EYS: variants seen among roughly 807,000 people sequenced by gnomAD.
The protein encoded by EYS is EGF-like photoreceptor maintenance factor, also known as protein eyes shut homolog.
EYS carries 250 observed loss-of-function variants against 282.1 expected under a neutral mutation model. The ratio of observed to expected loss-of-function variants is 0.89; its 90% CI spans 0.80 to 0.98. The LOEUF (loss-of-function observed/expected upper bound fraction) is 0.98, where lower values mean the gene tolerates loss of function less well. Among genes scored for constraint, EYS ranks in the 50% least tolerant of loss-of-function variants. The pLI is 0.00. For synonymous variants in EYS, 1,355 were observed against 1,282.9 expected (o/e 1.06, Z -1.20); for missense variants, 4,016 against 3,709.0 (o/e 1.08, Z -2.15).
chr6:64,170,030 A>G (rs968697630), intron 31 of EYS, among the ~76,000 whole-genome samples: 1 of 152,154 alleles, frequency 6.6e-6, no homozygotes, highest in African/African-American at 2.4e-5. Context: ...TTGTCTTTGA[A>G]GTATGGCCAG....
intron 28 of EYS, among the ~76,000 whole-genome samples, chr6:64,391,511 TATCCAG>T (rs1773139972): frequency 6.6e-6 from 1 of 151,882 alleles, no homozygotes; most frequent in Non-Finnish European, 1.5e-5. Context: ...CAGAATTTCA[TATCCAG>T]CCAAACTAAG....
At chr6:65,538,816 T>C (rs545163959) in intron 2 of EYS, among the ~76,000 whole-genome samples, 14 of 152,308 alleles carry the variant, frequency 9.2e-5, no homozygotes, top group African/African-American at 3.4e-4. Context: ...TCTGGCATCC[T>C]GCTAAGTCTC....
intron 28 of EYS, among the ~76,000 whole-genome samples, chr6:64,407,929 C>T (rs556065169): frequency 6.6e-6 from 1 of 152,174 alleles, no homozygotes; most frequent in South Asian, 2.1e-4. Flanking sequence ...GATGGGCTTT[C>T]ACTATGTTGG....
At chr6:63,873,529 C>T (rs1052663930) in intron 35 of EYS, among the ~76,000 whole-genome samples, 6 of 152,222 alleles carry the variant, frequency 3.9e-5, no homozygotes, top group African/African-American at 1.4e-4. Flanking sequence ...GTAATGGGAT[C>T]GTTGGGTCAA....
chr6:64,363,722 C>G (rs1244115449), intron 29 of EYS, among the ~76,000 whole-genome samples: 1 of 151,866 alleles, frequency 6.6e-6, no homozygotes, highest in Non-Finnish European at 1.5e-5. Context: ...AAGTGCAACA[C>G]AATTTATGCA....
intron 35 of EYS, among the ~76,000 whole-genome samples, chr6:63,946,905 A>G (rs547967354): frequency 1.3e-5 from 2 of 152,138 alleles, no homozygotes; most frequent in South Asian, 2.1e-4. Context: ...TGATGTGATT[A>G]TTACTGATGG....
At chr6:65,419,852 T>A (rs976157486) in intron 5 of EYS, among the ~76,000 whole-genome samples, 2 of 151,932 alleles carry the variant, frequency 1.3e-5, no homozygotes, top group Non-Finnish European at 2.9e-5. Context: ...CTGAAGCAAG[T>A]CACACAAATG....
intron 33 of EYS, among the ~76,000 whole-genome samples, chr6:64,042,713 T>C (rs1341653773): frequency 6.6e-6 from 1 of 152,156 alleles, no homozygotes; most frequent in African/African-American, 2.4e-5. Context: ...ACTTTGTAAT[T>C]TTGTATATCT....
At chr6:64,644,907 C>T (rs528792140) in intron 22 of EYS, among the ~76,000 whole-genome samples, 1 of 152,278 alleles carries the variant, frequency 6.6e-6, no homozygotes, top group Non-Finnish European at 1.5e-5. Flanking sequence ...TATGAGCCTA[C>T]AGGATGCAGC....
intron 12 of EYS, among the ~76,000 whole-genome samples, chr6:65,292,659 T>C (rs1768559125): frequency 6.6e-6 from 1 of 151,690 alleles, no homozygotes; most frequent in Non-Finnish European, 1.5e-5. Flanking sequence ...AGTACAACAG[T>C]GAAAATAAGG....
chr6:64,364,645 A>C (rs910407840), intron 29 of EYS, among the ~76,000 whole-genome samples: 1 of 151,860 alleles, frequency 6.6e-6, no homozygotes, highest in African/African-American at 2.4e-5. Flanking sequence ...AATTAACCCA[A>C]ATTAAGTGGA....
chr6:65,608,324 T>A (rs764477816), intron 2 of EYS, among the ~76,000 whole-genome samples: 9 of 151,968 alleles, frequency 5.9e-5, no homozygotes, highest in Non-Finnish European at 7.4e-5. Flanking sequence ...AAAAATACAG[T>A]TTAAAAGACT....
In EYS at chr6:64,832,164, A is replaced by G. The variant is rs184124076; in HGVS notation, c.2993-9342T>C. ...TTAACTCTGATTAACATGTTAAAAT[A>G]TTGTCAAAACTTATAAACTTCACAC... On this transcript the variant is annotated intron_variant, in intron 19 of 42. Coordinates refer to ENST00000503581, the MANE Select transcript of EYS (RefSeq NM_001142800.2). Among the ~76,000 whole-genome samples the G allele has an allele frequency of 2.0e-5, 3 of 152,058 alleles. No individual in the cohort carries two copies. In the East Asian group the frequency reaches 5.8e-4, roughly 30 times the overall value.
chr6:65,345,343 G>T (rs1283319040), intron 9 of EYS, among the ~76,000 whole-genome samples: 1 of 151,712 alleles, frequency 6.6e-6, no homozygotes, highest in Non-Finnish European at 1.5e-5. Flanking sequence ...AATTCTACCT[G>T]TAACATTCTG....
chr6:65,228,782 C>G (rs894342485), intron 12 of EYS, among the ~76,000 whole-genome samples: 46 of 152,016 alleles, frequency 3.0e-4, no homozygotes, highest in Non-Finnish European at 4.6e-4. Context: ...CTGTAGTAAT[C>G]ACAAGAGTGG....
At chr6:64,244,473 T>C (rs1449213323) in intron 30 of EYS, among the ~76,000 whole-genome samples, 1 of 152,212 alleles carries the variant, frequency 6.6e-6, no homozygotes, top group African/African-American at 2.4e-5. Context: ...TTCAGTGTGA[T>C]GTGTTGAGAT....
At chr6:65,442,405 T>C (rs550607737) in intron 5 of EYS, among the ~76,000 whole-genome samples, 51 of 152,184 alleles carry the variant, frequency 3.4e-4, no homozygotes, top group Middle Eastern at 3.4e-3. Context: ...ATTTATTTTA[T>C]GGTAAGGCAA....
chr6:64,151,317 T>TTATATATATATATA (rs61575285), intron 31 of EYS, among the ~76,000 whole-genome samples: 17 of 52,436 alleles, frequency 3.2e-4, no homozygotes, highest in South Asian at 2.7e-3. Context: ...GTGTGTATAT[T>TTATATATATATATA]TATATATATA....
intron 22 of EYS, among the ~76,000 whole-genome samples, chr6:64,757,090 C>G (rs1468123777): frequency 6.6e-6 from 1 of 152,092 alleles, no homozygotes; most frequent in East Asian, 1.9e-4. Flanking sequence ...TGAAGGTGCT[C>G]TATTACCTGT....
Sources: allele counts gnomAD v4.1 joint callset (sites outside exome capture counted in the v4.1 genomes callset), GRCh38; gene constraint gnomAD v4.1.1; transcripts MANE v1.5; gene names NCBI Gene and HGNC (gene_info 2026-07-23, HGNC 2026-07-21).